The following HCRTR2 variants were observed in gnomAD, a reference collection of about 807,000 sequenced individuals.
The protein encoded by HCRTR2 is orexin receptor type 2.
In HCRTR2, 22 loss-of-function variants were observed where a neutral mutation model predicts 49.0. The observed-to-expected ratio is 0.45, with a 90% CI of 0.32 to 0.64. The LOEUF is 0.64. Among genes scored for constraint, HCRTR2 ranks in the 30% least tolerant of loss-of-function variants. HCRTR2 has a pLI of 0.04. For synonymous variants in HCRTR2, 236 were observed against 205.3 expected (o/e 1.15, Z -1.28); for missense variants, 491 against 559.4 (o/e 0.88, Z 1.23).
chr6:55,158,089 A>C (rs1742115656), intron 1 of HCRTR2, among the ~76,000 whole-genome samples: 2 of 152,142 alleles, frequency 1.3e-5, no homozygotes, highest in Non-Finnish European at 2.9e-5. Context: ...TGGTTTCTGC[A>C]TTTCCAACTG....
chr6:55,121,669 A>G (rs1350767074), intron 1 of HCRTR2, among the ~76,000 whole-genome samples: 1 of 152,132 alleles, frequency 6.6e-6, no homozygotes, highest in Non-Finnish European at 1.5e-5. Flanking sequence ...TTTTAGCATG[A>G]AAGGCTGTTG....
At chr6:55,231,305 G>A (rs1217072939) in intron 1 of HCRTR2, among the ~76,000 whole-genome samples, 1 of 152,008 alleles carries the variant, frequency 6.6e-6, no homozygotes, top group Non-Finnish European at 1.5e-5. Flanking sequence ...TTAAGTTTAA[G>A]TTACTGTAAT....
chr6:55,240,858 CG>C, intron 1 of HCRTR2: 1 of 276,068 alleles, frequency 3.6e-6, no homozygotes, highest in East Asian at 1.2e-4. Context: ...TATTCAGTTG[CG>C]TTTTTTTCTT....
intron 1 of HCRTR2, among the ~76,000 whole-genome samples, chr6:55,112,024 C>G: frequency 6.6e-6 from 1 of 151,882 alleles, no homozygotes; most frequent in East Asian, 1.9e-4. Context: ...ACCACATAAA[C>G]AGAATTAAAG....
rs143272352 is a variant in HCRTR2 at position 55,174,617 on chromosome 6, C to A, written c.30C>A (p.Pro10=). The stretch of plus-strand genomic sequence containing the variant: ...CCGGCACCAAATTGGAGGACTCCCC[C>A]CCTTGTCGCAACTGGTCATCTGCTT... MSGTKLEDS[P]PCRNWSSASE... The change falls in exon 1 of 7, where the codon CCC becomes CCA. Residue 10 remains proline, a synonymous_variant. Transcript: ENST00000370862. 27 of 1,613,928 alleles carry A rather than the reference C, an allele frequency of 1.7e-5. No homozygotes were observed. The highest frequency in any genetic ancestry group is 8.9e-5 in the East Asian group (4 of 44,862).
At chr6:55,158,894 T>G (rs1482546959) in intron 1 of HCRTR2, among the ~76,000 whole-genome samples, 5 of 152,126 alleles carry the variant, frequency 3.3e-5, no homozygotes, top group Non-Finnish European at 5.9e-5. Flanking sequence ...CAGACTTAAA[T>G]ATTGCCGCAA....
intron 1 of HCRTR2, among the ~76,000 whole-genome samples, chr6:55,177,756 C>A (rs1581810145): frequency 6.6e-6 from 1 of 152,154 alleles, no homozygotes; most frequent in South Asian, 2.1e-4. Context: ...TTGTCCTCAT[C>A]TCTTTTTCTT....
chr6:55,243,061 A>G (rs937828740), intron 1 of HCRTR2, among the ~76,000 whole-genome samples: 2 of 152,158 alleles, frequency 1.3e-5, no homozygotes, highest in East Asian at 1.9e-4. Context: ...TGCAGGAGCT[A>G]TATATCATCA....
chr6:55,241,861 A>ATTTTTGTTTTTTTTT (rs1766338896), intron 1 of HCRTR2, among the ~76,000 whole-genome samples: 1 of 92,524 alleles, frequency 1.1e-5, no homozygotes, highest in Non-Finnish European at 2.1e-5. Context: ...ATGGCAACTA[A>ATTTTTGTTTTTTTTT]TTTTTTTTTT....
At chr6:55,115,813 T>G (rs1764108341) in intron 1 of HCRTR2, among the ~76,000 whole-genome samples, 1 of 149,678 alleles carries the variant, frequency 6.7e-6, no homozygotes. Context: ...TACAGAGATA[T>G]TCATTCAAAC....
intron 1 of HCRTR2, among the ~76,000 whole-genome samples, chr6:55,137,964 T>A (rs939027128): frequency 6.6e-6 from 1 of 152,208 alleles, no homozygotes; most frequent in Admixed American, 6.5e-5. Flanking sequence ...TTCAGTTTCT[T>A]CATTTCCTAT....
chr6:55,182,001 T>C (rs1370548974), intron 1 of HCRTR2, among the ~76,000 whole-genome samples: 1 of 152,266 alleles, frequency 6.6e-6, no homozygotes, highest in African/African-American at 2.4e-5. Context: ...CCATGTGGAC[T>C]GTTATTGTTC....
At position 55,218,828 on chromosome 6, in the gene HCRTR2, G is replaced by C. The variant is rs143496200; in HGVS notation, c.224-29811G>C. Among the ~76,000 whole-genome samples, 180 of 152,186 alleles carry C rather than the reference G, an allele frequency of 1.2e-3. 1 individual carries two copies. The highest frequency in any genetic ancestry group is 4.2e-3 in the African/African-American group (176 of 41,544). ...CAATAGTAGGAGATTTTAATTCTCA[G>C]CTTTCTTTTTCTAGAGACAGAGTCT... is the stretch of plus-strand genomic sequence containing the variant. On this transcript the variant is annotated intron_variant, in intron 1 of 6. Transcript: ENST00000370862.
At chr6:55,264,376 T>C (rs1299051061) in intron 4 of HCRTR2, among the ~76,000 whole-genome samples, 1 of 152,140 alleles carries the variant, frequency 6.6e-6, no homozygotes, top group Non-Finnish European at 1.5e-5. Context: ...CTTTGTTAGA[T>C]AATTCTGCTG....
rs540898968 is a variant in HCRTR2 at position 55,148,534 on chromosome 6, T to C, written c.-377-25677T>C. On this transcript the variant is annotated intron_variant, in intron 1 of 7. Transcript: ENST00000615358. ...GTGCTTCTCCATGCTACTTCAAACTTGAGTGTAAGAATTGTTTCAGAAGGA... is the reference window on the plus strand; with the variant it reads ...GTGCTTCTCCATGCTACTTCAAACTCGAGTGTAAGAATTGTTTCAGAAGGA... Among the ~76,000 whole-genome samples the C allele has an allele frequency of 2.0e-5, 3 of 152,238 alleles. No individual in the cohort carries two copies. The South Asian group carries it at 6.2e-4, about 32-fold the overall frequency.
In HCRTR2 at chr6:55,144,186, C is replaced by G. The variant is rs566267033; in HGVS notation, c.-377-30025C>G. Among the ~76,000 whole-genome samples the G allele has an allele frequency of 2.7e-3, 394 of 147,982 alleles. 2 individuals carry two copies. Among genetic ancestry groups the G allele is most frequent in the African/African-American group, 9.6e-3 (378 of 39,480 alleles). ...GGAGTCCAATGGCGCGATCTCGGCG[C>G]ACCGCAACCTCCGCCTCCCGGGTTC... On this transcript the variant is annotated intron_variant, in intron 1 of 7. Coordinates refer to the HCRTR2 transcript ENST00000615358.
intron 1 of HCRTR2, among the ~76,000 whole-genome samples, chr6:55,204,220 G>T (rs1765560390): frequency 1.3e-5 from 2 of 152,084 alleles, no homozygotes; most frequent in Admixed American, 6.6e-5. Context: ...ATGGAAGTTG[G>T]TAGATGAATA....
intron 1 of HCRTR2, among the ~76,000 whole-genome samples, chr6:55,116,715 G>GAGAAA (rs55778468): frequency 1.1e-5 from 1 of 88,520 alleles, no homozygotes; most frequent in Non-Finnish European, 2.3e-5. Flanking sequence ...AAGAGAGAGA[G>GAGAAA]AAAAAAAAAA....
chr6:55,257,149 G>A (rs1297510005), intron 3 of HCRTR2, among the ~76,000 whole-genome samples: 1 of 152,016 alleles, frequency 6.6e-6, no homozygotes, highest in African/African-American at 2.4e-5. Flanking sequence ...CTGGAACATA[G>A]GGGCAGATAG....
Sources: allele counts gnomAD v4.1 joint callset (sites outside exome capture counted in the v4.1 genomes callset), GRCh38; gene constraint gnomAD v4.1.1; transcripts MANE v1.5; gene names NCBI Gene and HGNC (gene_info 2026-07-23, HGNC 2026-07-21).